Variants in HLA-DQA1 observed in about 807,000 individuals in gnomAD.
The protein encoded by HLA-DQA1 is HLA class II histocompatibility antigen, DQ alpha 1 chain.
Under a neutral mutation model 20.7 loss-of-function variants are expected in HLA-DQA1, and 10 were observed. The ratio of observed to expected loss-of-function variants is 0.48; its 90% confidence interval spans 0.30 to 0.82. The LOEUF (loss-of-function observed/expected upper bound fraction) is 0.82. Among genes scored for constraint, HLA-DQA1 ranks in the 40% least tolerant of loss-of-function variants. HLA-DQA1 has a pLI of 0.07. For synonymous variants in HLA-DQA1, 39 were observed against 109.2 expected, an observed-to-expected ratio of 0.36 and a Z score of 4.01; for missense variants, 127 against 293.0, an observed-to-expected ratio of 0.43 and a Z score of 4.14.
downstream of HLA-DQA1, among the ~76,000 whole-genome samples, chr6:32,648,902 T>G (rs1320576609): frequency 6.2e-5 from 6 of 96,596 alleles, 2 homozygotes; most frequent in African/African-American, 2.1e-4. Flanking sequence ...CAGCCCAAAA[T>G]CTCCTTTAGC....
At chr6:32,655,261 T>TTCTTTTTTTAATTG in the HLA-DQA1 span, among the ~76,000 whole-genome samples, 4 of 142,176 alleles carry the variant, frequency 2.8e-5, no homozygotes, top group South Asian at 6.9e-4. Flanking sequence ...AGTTTTCTGT[T>TTCTTTTTTTAATTG]TTTTAAAATC....
intron 2 of HLA-DQA1, among the ~76,000 whole-genome samples, 156 bp from the exon 3 acceptor site, chr6:32,641,816 A>C (rs9272728): frequency 9.9e-6 from 1 of 100,826 alleles, no homozygotes; most frequent in Admixed American, 1.2e-4. Context: ...GGAATAAAGC[A>C]GAGGCAATGT....
downstream of HLA-DQA1, among the ~76,000 whole-genome samples, chr6:32,649,091 C>T (rs1467318121): frequency 1.5e-4 from 14 of 96,476 alleles, 5 homozygotes; most frequent in African/African-American, 2.1e-4. Flanking sequence ...TGAAGGACCT[C>T]TTCAAGGAGA....
chr6:32,654,122 T>C, the HLA-DQA1 span, among the ~76,000 whole-genome samples: 1 of 81,370 alleles, frequency 1.2e-5, no homozygotes, highest in Non-Finnish European at 2.8e-5. Flanking sequence ...CTGGACAGCA[T>C]GCTGAAACTC....
At chr6:32,641,748 A>C (rs35344500) in intron 2 of HLA-DQA1, among the ~76,000 whole-genome samples, 190 bp downstream of exon 2, 15,282 of 107,782 alleles carry the variant, frequency 0.14, 1,671 homozygotes, top group Middle Eastern at 0.32. Flanking sequence ...AAATCCTTCT[A>C]GGAGAGGTCT....
At chr6:32,638,702 G>GAACC (rs567862504) in intron 1 of HLA-DQA1, among the ~76,000 whole-genome samples, 6,638 of 76,984 alleles carry the variant, frequency 0.086, 1,414 homozygotes, top group Non-Finnish European at 0.11. Context: ...AGAAAGCGAG[G>GAACC]AAGGAAGGAA....
intron 1 of HLA-DQA1, among the ~76,000 whole-genome samples, 199 bp from the exon 2 acceptor site, chr6:32,641,109 TAG>T (rs771247141): frequency 0.11 from 12,286 of 107,318 alleles, 1,670 homozygotes; most frequent in East Asian, 0.23. Flanking sequence ...TAGCGCACAC[TAG>T]AGTGGGAAAG....
chr6:32,639,061 T>C, intron 1 of HLA-DQA1: 1 of 262,396 alleles, frequency 3.8e-6, no homozygotes, highest in East Asian at 1.1e-4. Flanking sequence ...CCCATTATGA[T>C]TTTGTTCGGC....
chr6:32,640,316 T>C (rs9272628), intron 1 of HLA-DQA1, among the ~76,000 whole-genome samples: 3,767 of 70,344 alleles, frequency 0.054, 334 homozygotes, highest in Middle Eastern at 0.14. Context: ...TTTACACATC[T>C]CCGGCTATGT....
In HLA-DQA1 at chr6:32,637,767, T is replaced by C. The variant is rs185902422; in HGVS notation, c.82+227T>C. Among the ~76,000 whole-genome samples, 3 of 112,208 alleles carry C rather than the reference T, an allele frequency of 2.7e-5. 1 individual carries two copies. Among genetic ancestry groups the C allele is most frequent in the African/African-American group, 9.7e-5 (3 of 31,072 alleles). The allele number at this position is 112,208 out of a possible 152,430, so 73.6% of individuals were successfully genotyped here. A position where few individuals can be genotyped will look rare whatever the true frequency, so the allele number is the denominator to read the frequency against. On this transcript the variant is annotated intron_variant, in intron 1 of 4. Transcript: ENST00000343139. ...TAAGGACGCTATTCTGTTTATATTATATTCAGTGACTACGGCCTGGAGGTC... is the reference window on the plus strand; with the variant it reads ...TAAGGACGCTATTCTGTTTATATTACATTCAGTGACTACGGCCTGGAGGTC...
Position 32,637,711 on chromosome 6 carries a change from C to G in HLA-DQA1, c.82+171C>G, listed in dbSNP as rs547102792. Among the ~76,000 whole-genome samples, 2 of 104,330 alleles carry G rather than the reference C, an allele frequency of 1.9e-5. 1 individual carries two copies. The highest frequency in any genetic ancestry group is 2.3e-4 in the Admixed American group (2 of 8,798). 68.4% of individuals were successfully genotyped at this position (104,330 alleles called of 152,430 possible). ...TTCAGGAAACCAGAGCCCCAACCTA[C>G]TCTTTTTGTTATCTATGCTGTTGTG... On this transcript the variant is annotated intron_variant, in intron 1 of 4. Transcript: ENST00000343139.
intron 1 of HLA-DQA1, among the ~76,000 whole-genome samples, chr6:32,641,013 C>T (rs36220097): frequency 2.3e-4 from 25 of 109,292 alleles, no homozygotes; most frequent in East Asian, 1.0e-3. Context: ...TTCTTTTGTT[C>T]AATTACATTA....
chr6:32,652,905 A>G, the HLA-DQA1 span, among the ~76,000 whole-genome samples: 1 of 140,874 alleles, frequency 7.1e-6, no homozygotes, highest in Non-Finnish European at 1.6e-5. Flanking sequence ...AGTCACAAAA[A>G]GTCTTCAGCC....
downstream of HLA-DQA1, among the ~76,000 whole-genome samples, chr6:32,649,660 T>C: frequency 2.1e-5 from 2 of 96,648 alleles, 1 homozygote; most frequent in Non-Finnish European, 4.6e-5. Flanking sequence ...CTCGATCCCT[T>C]CCTTACACCT....
In HLA-DQA1 at chr6:32,643,137, A is replaced by AT. The variant is rs370082503; in HGVS notation, c.*216dup. On this transcript the variant is annotated 3_prime_UTR_variant, in exon 5 of 5. Transcript: ENST00000343139. ...TTTACATTCTTTCCCTGACCTCCTG[A>AT]TTTTTTTTTTCTTTTCTCAAATGTT... The AT allele has an allele frequency of 9.9e-4, 309 of 311,328 alleles. 2 individuals are homozygous for AT. Among genetic ancestry groups the AT allele is most frequent in the East Asian group, 1.9e-3 (20 of 10,756 alleles). The allele number at this position is 311,328 out of a possible 1,614,324, so 19.3% of individuals were successfully genotyped here. A position where few individuals can be genotyped will look rare whatever the true frequency, so the allele number is the denominator to read the frequency against.
downstream of HLA-DQA1, chr6:32,646,903 G>C (rs1477302551): frequency 7.8e-6 from 1 of 128,852 alleles, no homozygotes; most frequent in East Asian, 2.3e-4. Flanking sequence ...ATTTTAAAAG[G>C]CTGAAGAAAT....
chr6:32,654,387 C>G, the HLA-DQA1 span, among the ~76,000 whole-genome samples: 2 of 112,806 alleles, frequency 1.8e-5, no homozygotes, highest in Non-Finnish European at 3.8e-5. Flanking sequence ...AATAATAATG[C>G]ACTGTCATTT....
chr6:32,640,602 A>G (rs1561942538), intron 1 of HLA-DQA1, among the ~76,000 whole-genome samples: 2 of 105,346 alleles, frequency 1.9e-5, no homozygotes, highest in Non-Finnish European at 4.2e-5. Flanking sequence ...TCCAAAAACT[A>G]GTAGAGCTTC....
chr6:32,651,121 C>G (rs145380601), downstream of HLA-DQA1, among the ~76,000 whole-genome samples: 3,400 of 82,528 alleles, frequency 0.041, 1,139 homozygotes, highest in Middle Eastern at 0.13. Context: ...GCCTCCTGAC[C>G]TCGTGGTCTC....
Sources: gnomAD v4.1 joint callset for allele counts (sites outside exome capture counted in the v4.1 genomes callset) on GRCh38, gnomAD v4.1.1 for gene constraint, MANE v1.5 for transcripts, NCBI Gene and HGNC (gene_info 2026-07-23, HGNC 2026-07-21) for gene names.